Variants in ASXL1 observed in about 807,000 individuals in gnomAD.
ASXL1 encodes ASXL transcriptional regulator 1.
In ASXL1, 65 loss-of-function variants were observed where a neutral mutation model predicts 89.1. The ratio of observed to expected loss-of-function variants is 0.73; its 90% CI spans 0.60 to 0.90. The LOEUF (loss-of-function observed/expected upper bound fraction) is 0.90, where lower values mean the gene tolerates loss of function less well. ASXL1 is among the 40% of genes least tolerant of loss of function. The pLI is 0.00. For missense variants in ASXL1, 1,786 were observed against 1,942.9 expected (o/e 0.92, Z 1.52); for synonymous variants, 739 against 746.9 (o/e 0.99, Z 0.17).
chr20:32,371,776 A>G, intron 4 of ASXL1: 1 of 449,532 alleles, frequency 2.2e-6, no homozygotes, highest in Non-Finnish European at 4.5e-6. Flanking sequence ...ATTTTTTCCT[A>G]GAGATGAAGT....
chr20:32,366,557 T>C (rs2048208019), intron 2 of ASXL1, 91 bp downstream of exon 2: 1 of 1,603,004 alleles, frequency 6.2e-7, no homozygotes, highest in Admixed American at 1.7e-5. Context: ...CACCTGTGTA[T>C]GTATTTGTGC....
Position 32,390,767 on chromosome 20 carries a change from G to A in ASXL1, c.252+21644G>A, listed in dbSNP as rs771596444. Among the ~76,000 whole-genome samples the A allele has an allele frequency of 2.0e-5, 3 of 152,168 alleles. No homozygotes were observed. The East Asian group carries it at 5.8e-4, about 29-fold the overall frequency. On this transcript the variant is annotated intron_variant, in intron 4 of 12. Transcript: ENST00000375687. ...ATTTGTTCTCTGTCCTTGCAGTACT[G>A]TCTTTTCCAGAATGCCATATAAATT...
chr20:32,435,641 C>T lies in ASXL1; in HGVS notation c.2929C>T (p.Gln977Ter), dbSNP rs1366953593. Reference protein sequence around the residue: ...GSDSNGSYCQQVDIEKLKING... With the variant: ...GSDSNGSYCQ ...TGACAGCAATGGCAGTTACTGTCAA[C>T]AGGTGGACATTGAAAAGCTGAAAAT... Residue 977 changes from glutamine to a stop codon, truncating the protein, a stop_gained, in exon 13 of 13, where the codon CAG becomes TAG. Transcript: ENST00000375687. LOFTEE classifies it low-confidence loss of function (END_TRUNC). 1.2e-6 allele frequency: 2 copies of T among 1,614,022 alleles called. No homozygotes were observed. The highest frequency in any genetic ancestry group is 1.7e-6 in the Non-Finnish European group (2 of 1,180,048).
In ASXL1 at chr20:32,358,343, A is replaced by T. The variant is rs1475256668; in HGVS notation, c.-433A>T. On this transcript the variant is annotated 5_prime_UTR_variant, in exon 1 of 13. Transcript: ENST00000375687. Reference sequence around the variant, plus strand: ...CTCCTCACTCTTCACACACACTCACACACACCCACGGCAGACACGCACGCA... The same window carrying T: ...CTCCTCACTCTTCACACACACTCACTCACACCCACGGCAGACACGCACGCA... 3.0e-5 allele frequency: 7 copies of T among 230,986 alleles called. No individual in the cohort carries two copies. Among genetic ancestry groups the T allele is most frequent in the Admixed American group, 5.7e-5 (1 of 17,466 alleles). The allele number at this position is 230,986 out of a possible 1,614,324, so 14.3% of individuals were successfully genotyped here.
chr20:32,408,385 A>G (rs1226048040), intron 4 of ASXL1, among the ~76,000 whole-genome samples: 1 of 152,148 alleles, frequency 6.6e-6, no homozygotes, highest in Non-Finnish European at 1.5e-5. Flanking sequence ...GTCCATACAT[A>G]AGGATATGTT....
intron 1 of ASXL1, among the ~76,000 whole-genome samples, chr20:32,362,495 G>T (rs1246961835): frequency 1.3e-5 from 2 of 151,950 alleles, no homozygotes; most frequent in Non-Finnish European, 2.9e-5. Context: ...AATTAGCCAG[G>T]CGTGGTGGCG....
intron 4 of ASXL1, among the ~76,000 whole-genome samples, chr20:32,421,165 C>A (rs748233647): frequency 1.3e-5 from 2 of 151,384 alleles, no homozygotes; most frequent in Non-Finnish European, 2.9e-5. Flanking sequence ...CAGCAAACCA[C>A]CATGGCACAT....
chr20:32,369,203 TA>T (rs2048256296), intron 4 of ASXL1, 80 bp downstream of exon 4: 11 of 1,324,970 alleles, frequency 8.3e-6, no homozygotes, highest in Middle Eastern at 3.7e-4. Context: ...AGGTCTGGAA[TA>T]GGGGCCATGA....
chr20:32,401,560 C>CT (rs1569285552), intron 4 of ASXL1, among the ~76,000 whole-genome samples: 26 of 134,878 alleles, frequency 1.9e-4, no homozygotes, highest in African/African-American at 5.2e-4. Flanking sequence ...TCCCCCCCCC[C>CT]CTTTTTTTTT....
At chr20:32,389,193 T>A (rs1324950135) in intron 4 of ASXL1, among the ~76,000 whole-genome samples, 5 of 152,220 alleles carry the variant, frequency 3.3e-5, no homozygotes, top group Admixed American at 3.3e-4. Flanking sequence ...TTAAAATATA[T>A]TTTTATGTCA....
intron 3 of ASXL1, 31 bp from the exon 4 acceptor site, chr20:32,368,984 A>G: frequency 6.4e-7 from 1 of 1,555,650 alleles, no homozygotes; most frequent in Non-Finnish European, 8.9e-7. Context: ...TGGATTGTAT[A>G]ACCCTCATCC....
chr20:32,400,720 C>T (rs1359174771), intron 4 of ASXL1, among the ~76,000 whole-genome samples: 1 of 152,214 alleles, frequency 6.6e-6, no homozygotes. Flanking sequence ...AAGTCCTGCA[C>T]TCTGAGCTGA....
At chr20:32,380,845 A>G (rs950792355) in intron 4 of ASXL1, among the ~76,000 whole-genome samples, 4 of 152,272 alleles carry the variant, frequency 2.6e-5, no homozygotes, top group Admixed American at 2.0e-4. Context: ...CAACAAAATC[A>G]TGGAGCTTAT....
chr20:32,426,227 C>A (rs2011279729), intron 4 of ASXL1, among the ~76,000 whole-genome samples: 1 of 151,930 alleles, frequency 6.6e-6, no homozygotes, highest in African/African-American at 2.4e-5. Flanking sequence ...TAGGTTTTGG[C>A]TAATAGTTTT....
intron 1 of ASXL1, chr20:32,359,084 A>G: frequency 3.4e-6 from 2 of 592,554 alleles, no homozygotes; most frequent in East Asian, 5.7e-5. Flanking sequence ...CGGAGGGGCG[A>G]GCTGGCAGGC....
intron 4 of ASXL1, among the ~76,000 whole-genome samples, chr20:32,409,674 G>A (rs901910388): frequency 9.2e-5 from 14 of 151,994 alleles, no homozygotes; most frequent in African/African-American, 3.4e-4. Context: ...AGGAGTTGAA[G>A]GCTGCAGTAT....
At chr20:32,361,629 G>A (rs1361975040) in intron 1 of ASXL1, among the ~76,000 whole-genome samples, 2 of 71,636 alleles carry the variant, frequency 2.8e-5, no homozygotes, top group East Asian at 3.1e-4. Context: ...AGCAAGACTC[G>A]TCTCAAAAAA....
At chr20:32,378,965 T>G (rs2048436053) in intron 4 of ASXL1, among the ~76,000 whole-genome samples, 1 of 151,030 alleles carries the variant, frequency 6.6e-6, no homozygotes, top group Non-Finnish European at 1.5e-5. Flanking sequence ...CTGTCTCTAT[T>G]AAAAATAAAA....
At chr20:32,408,836 T>A (rs1174049850) in intron 4 of ASXL1, among the ~76,000 whole-genome samples, 2 of 151,960 alleles carry the variant, frequency 1.3e-5, no homozygotes, top group Non-Finnish European at 2.9e-5. Flanking sequence ...CTCAACAGCA[T>A]TTTTTTTCAA....
Sources: gnomAD v4.1 joint callset for allele counts (sites outside exome capture counted in the v4.1 genomes callset) on GRCh38, gnomAD v4.1.1 for gene constraint, MANE v1.5 for transcripts, NCBI Gene and HGNC (gene_info 2026-07-23, HGNC 2026-07-21) for gene names.